The following MAPDA variants were observed in gnomAD, a reference collection of about 807,000 sequenced individuals.
The protein encoded by MAPDA is N6-Methyl-AMP deaminase.
the MAPDA span, chr15:43,349,481 G>C: frequency 9.0e-6 from 4 of 444,938 alleles, no homozygotes; most frequent in Non-Finnish European, 1.2e-5. Context: ...TGCCTACTTT[G>C]TTGTCATTGC....
At chr15:43,341,552 A>G in the MAPDA span, among the ~76,000 whole-genome samples, 3 of 152,148 alleles carry the variant, frequency 2.0e-5, no homozygotes, top group African/African-American at 4.8e-5. Context: ...AAAAATGTGT[A>G]TATGGGCAGA....
chr15:43,349,213 C>G, the MAPDA span: 2 of 1,418,646 alleles, frequency 1.4e-6, no homozygotes, highest in African/African-American at 2.9e-5. Context: ...AAAGCTTTAG[C>G]TTCCATTAGA....
At chr15:43,344,766 A>G in the MAPDA span, among the ~76,000 whole-genome samples, 8 of 148,758 alleles carry the variant, frequency 5.4e-5, no homozygotes, top group African/African-American at 1.5e-4. Context: ...AGATCGTGCC[A>G]TTTCACTCCA....
At chr15:43,330,480 G>A in the MAPDA span, 6 of 1,520,730 alleles carry the variant, frequency 3.9e-6, no homozygotes, top group Non-Finnish European at 5.3e-6. Context: ...TCACGGCTCC[G>A]GGGGCCCATG....
the MAPDA span, chr15:43,353,829 A>G: frequency 6.6e-6 from 1 of 152,312 alleles, no homozygotes; most frequent in Admixed American, 6.5e-5. Context: ...CCCTTCCCAC[A>G]TGCCTTGCTC....
At chr15:43,336,799 C>T in the MAPDA span, 5 of 800,818 alleles carry the variant, frequency 6.2e-6, no homozygotes, top group South Asian at 1.3e-4. Flanking sequence ...AAAATGTTTT[C>T]TCTATTATGG....
chr15:43,351,829 T>G, the MAPDA span: 1 of 1,551,698 alleles, frequency 6.4e-7, no homozygotes, highest in Non-Finnish European at 8.7e-7. Flanking sequence ...TTTGACCCAG[T>G]CTCAGGTGTG....
At chr15:43,351,410 A>T in the MAPDA span, 1 of 325,556 alleles carries the variant, frequency 3.1e-6, no homozygotes, top group Non-Finnish European at 5.6e-6. Flanking sequence ...AGCAAAAGGT[A>T]CTTGAGAGGA....
At chr15:43,342,446 T>TAAAAA in the MAPDA span, among the ~76,000 whole-genome samples, 1 of 113,608 alleles carries the variant, frequency 8.8e-6, no homozygotes, top group Non-Finnish European at 1.9e-5. Context: ...ATATCCCTTT[T>TAAAAA]AAAAAAAAAA....
At chr15:43,331,424 T>C in the MAPDA span, among the ~76,000 whole-genome samples, 1 of 152,182 alleles carries the variant, frequency 6.6e-6, no homozygotes, top group Non-Finnish European at 1.5e-5. Flanking sequence ...TCCAGAGACA[T>C]TTAGGAAATT....
At chr15:43,349,050 G>C in the MAPDA span, 1 of 1,614,174 alleles carries the variant, frequency 6.2e-7, no homozygotes, top group South Asian at 1.1e-5. Flanking sequence ...CACTGGGTAA[G>C]GCTTGGAGTT....
At chr15:43,337,789 C>T in the MAPDA span, among the ~76,000 whole-genome samples, 1 of 152,188 alleles carries the variant, frequency 6.6e-6, no homozygotes, top group Non-Finnish European at 1.5e-5. Flanking sequence ...CAAAAGTTGA[C>T]TGAGTGCCCA....
At chr15:43,345,523 A>G in the MAPDA span, among the ~76,000 whole-genome samples, 1 of 152,080 alleles carries the variant, frequency 6.6e-6, no homozygotes, top group Non-Finnish European at 1.5e-5. Flanking sequence ...TTGTAGATTA[A>G]GAGAGGCTTA....
the MAPDA span, chr15:43,351,788 A>G: frequency 6.4e-7 from 1 of 1,551,428 alleles, no homozygotes; most frequent in Non-Finnish European, 8.7e-7. Context: ...CACCTTTCTC[A>G]AGAGTACCAG....
chr15:43,351,053 C>T, the MAPDA span: 201 of 1,549,484 alleles, frequency 1.3e-4, no homozygotes, highest in Non-Finnish European at 1.4e-4. Flanking sequence ...TAAGGTGTTC[C>T]GTGTGAAGTA....
At chr15:43,352,211 T>A in the MAPDA span, 1 of 326,670 alleles carries the variant, frequency 3.1e-6, no homozygotes, top group Non-Finnish European at 5.5e-6. Flanking sequence ...CAGCAGTCCT[T>A]CCCTATTAGT....
chr15:43,336,821 A>C, the MAPDA span: 7 of 605,372 alleles, frequency 1.2e-5, 1 homozygote, highest in Non-Finnish European at 1.8e-5. Context: ...AACTCTTCAA[A>C]ACCTATGTAA....
chr15:43,342,446 TAAAAAAAAAAA>T, the MAPDA span, among the ~76,000 whole-genome samples: 1 of 113,608 alleles, frequency 8.8e-6, no homozygotes, highest in African/African-American at 3.3e-5. Flanking sequence ...ATATCCCTTT[TAAAAAAAAAAA>T]AAAAAAAAAG....
At chr15:43,352,255 A>G in the MAPDA span, 4 of 244,862 alleles carry the variant, frequency 1.6e-5, no homozygotes, top group Non-Finnish European at 2.3e-5. Flanking sequence ...GAAGTTTCTC[A>G]TCAGGAAATG....
Sources: allele counts gnomAD v4.1 joint callset (sites outside exome capture counted in the v4.1 genomes callset), GRCh38; gene constraint gnomAD v4.1.1; transcripts MANE v1.5; gene names NCBI Gene and HGNC (gene_info 2026-07-23, HGNC 2026-07-21).